LRRC47: variants seen among roughly 807,000 people sequenced by gnomAD.
LRRC47 encodes the protein leucine rich repeat containing 47, also known as leucine-rich repeat-containing protein 47.
In LRRC47, 31 loss-of-function variants were observed where a neutral mutation model predicts 40.9. That is an observed-to-expected ratio of 0.76 (90% CI 0.57 to 1.02). LRRC47 has a LOEUF of 1.02. LRRC47 is among the 50% of genes least tolerant of loss of function. LRRC47 has a pLI of 0.00. For synonymous variants in LRRC47, 427 were observed against 371.9 expected (o/e 1.15, Z -1.70); for missense variants, 726 against 796.1 (o/e 0.91, Z 1.06).
rs1485837184 is a variant in LRRC47, at chr1:3,780,186, T to G, written c.*902A>C. 6.7e-6 allele frequency: 1 copy of G among 150,000 alleles called. No individual in the cohort carries two copies. Among genetic ancestry groups the G allele is most frequent in the Non-Finnish European group, 1.5e-5 (1 of 67,272 alleles). 9.3% of individuals were successfully genotyped at this position (150,000 alleles called of 1,614,324 possible). Reference sequence around the variant, plus strand: ...ACATGAGAAACGTGTGCTTAGCCGCTGCTGTGTGATCACAGAGTCTTTACA... The same window carrying G: ...ACATGAGAAACGTGTGCTTAGCCGCGGCTGTGTGATCACAGAGTCTTTACA... On this transcript the variant is annotated 3_prime_UTR_variant, in exon 7 of 7. Transcript: ENST00000378251.
intron 1 of LRRC47, among the ~76,000 whole-genome samples, chr1:3,795,611 G>C (rs1186773448): frequency 1.3e-5 from 2 of 152,260 alleles, no homozygotes; most frequent in African/African-American, 4.8e-5. Context: ...TAAAAGTCCA[G>C]TTAACAGAAT....
intron 2 of LRRC47, among the ~76,000 whole-genome samples, chr1:3,786,337 A>T (rs1643573025): frequency 6.6e-6 from 1 of 152,034 alleles, no homozygotes; most frequent in South Asian, 2.1e-4. Context: ...ATCTCTTTTA[A>T]AAATACAAAA....
At chr1:3,793,840 C>G (rs1643649443) in intron 1 of LRRC47, among the ~76,000 whole-genome samples, 1 of 152,160 alleles carries the variant, frequency 6.6e-6, no homozygotes, top group South Asian at 2.1e-4. Context: ...CCTAGCCACC[C>G]TCCCCTTTCC....
At chr1:3,792,464 C>CTTTTTT (rs34288803) in intron 1 of LRRC47, among the ~76,000 whole-genome samples, 9 of 142,414 alleles carry the variant, frequency 6.3e-5, no homozygotes, top group Non-Finnish European at 9.1e-5. Context: ...TGGACGCACA[C>CTTTTTT]TTTTTTTTTT....
chr1:3,786,807 C>G (rs1454658798), intron 2 of LRRC47, 42 bp downstream of exon 2: 1 of 1,512,278 alleles, frequency 6.6e-7, no homozygotes, highest in Non-Finnish European at 8.9e-7. Context: ...CGGCGTCTCA[C>G]ACCTCTGTCC....
intron 4 of LRRC47, 132 bp from the exon 5 acceptor site, chr1:3,782,895 TG>T: frequency 1.5e-6 from 1 of 662,380 alleles, no homozygotes; most frequent in Non-Finnish European, 2.8e-6. Flanking sequence ...AGGAGTTGGC[TG>T]GGGTGTGCTG....
intron 1 of LRRC47, among the ~76,000 whole-genome samples, chr1:3,791,595 T>C (rs1643627133): frequency 6.6e-6 from 1 of 152,222 alleles, no homozygotes; most frequent in South Asian, 2.1e-4. Context: ...TAGCTGGGAT[T>C]ACAGGCATGC....
chr1:3,794,619 T>C (rs1279412193), intron 1 of LRRC47, among the ~76,000 whole-genome samples: 2 of 151,340 alleles, frequency 1.3e-5, no homozygotes, highest in Admixed American at 1.3e-4. Flanking sequence ...GGATTACAGG[T>C]GTGAGCCACC....
In LRRC47 at chr1:3,796,074, T is replaced by G. The variant is rs748429057; in HGVS notation, c.403A>C (p.Asn135His). The change falls in exon 1 of 7, where the codon AAC becomes CAC. Residue 135 changes from asparagine (N) to histidine (H), a missense_variant. Coordinates refer to ENST00000378251, the MANE Select transcript of LRRC47 (RefSeq NM_020710.3). ...PPGLPQLQSL[N>H]LSGNRLRELP... ...TCGCGCAGCCGGTTGCCGCTGAGGT[T>G]GAGGCTCTGCAGCTGCGGAAGGCCC... is the stretch of plus-strand genomic sequence containing the variant. 6.6e-7 allele frequency: 1 copy of G among 1,525,280 alleles called. No individual in the cohort carries two copies. Among genetic ancestry groups the G allele is most frequent in the South Asian group, 1.2e-5 (1 of 82,310 alleles). The allele number at this position is 1,525,280 out of a possible 1,614,324, so 94.5% of individuals were successfully genotyped here.
chr1:3,782,574 G>A, intron 5 of LRRC47, 87 bp downstream of exon 5: 1 of 829,530 alleles, frequency 1.2e-6, no homozygotes, highest in Non-Finnish European at 2.1e-6. Context: ...GATTACCGGT[G>A]TTGAGCCACC....
chr1:3,785,261 G>A (rs953369212), intron 2 of LRRC47, 58 bp from the exon 3 acceptor site: 10 of 1,262,134 alleles, frequency 7.9e-6, no homozygotes, highest in Non-Finnish European at 8.6e-6. Context: ...CCAGCGAGGT[G>A]TCCACACTTC....
rs1187911207 is a variant in LRRC47, at chr1:3,778,642, A to G, written c.*2446T>C. 4 of 153,576 alleles carry G rather than the reference A, an allele frequency of 2.6e-5. No individual in the cohort carries two copies. The highest frequency in any genetic ancestry group is 5.9e-5 in the Non-Finnish European group (4 of 68,244). 9.5% of individuals were successfully genotyped at this position (153,576 alleles called of 1,614,324 possible). A position where few individuals can be genotyped will look rare whatever the true frequency, so the allele number is the denominator to read the frequency against. On this transcript the variant is annotated 3_prime_UTR_variant, in exon 7 of 7. Transcript: ENST00000378251. ...CAGAGACACCTGTGCTGCGAGTTAAATACATTTCCAGCATCTCACGCATCA... is the reference window on the plus strand; with the variant it reads ...CAGAGACACCTGTGCTGCGAGTTAAGTACATTTCCAGCATCTCACGCATCA...
In LRRC47 at chr1:3,786,967, G is replaced by C; in HGVS notation, c.959C>G (p.Pro320Arg). Residue 320 changes from proline (P) to arginine (R), a missense_variant, in exon 2 of 7, where the codon CCT becomes CGT. By Grantham distance (103) the Pro-to-Arg change is moderately radical. Coordinates refer to ENST00000378251, the MANE Select transcript of LRRC47 (RefSeq NM_020710.3). Reference sequence around the variant, plus strand: ...CTCGGGGCTCACTCTGACTGTCAGAGGTACGGGGTTTTCAGAGACGTGCAG... The same window carrying C: ...CTCGGGGCTCACTCTGACTGTCAGACGTACGGGGTTTTCAGAGACGTGCAG... ...RVLHVSENPV[P>R]LTVRVSPEVR... The C allele has an allele frequency of 1.2e-6, 2 of 1,611,300 alleles. No homozygotes were observed. The highest frequency in any genetic ancestry group is 1.7e-6 in the Non-Finnish European group (2 of 1,178,920).
At position 3,787,896 on chromosome 1, in the gene LRRC47, C is replaced by T. The variant is rs142854980; in HGVS notation, c.616-586G>A. ...GAAAGGGGAAAGCCGACTTCAACGG[C>T]GATGGGTTCTCAGCCTTCGTCTGAC... On this transcript the variant is annotated intron_variant, in intron 1 of 6. Transcript: ENST00000378251. Among the ~76,000 whole-genome samples, 1,082 of 152,188 alleles carry T rather than the reference C, an allele frequency of 7.1e-3. 15 individuals are homozygous for T. Among genetic ancestry groups the T allele is most frequent in the African/African-American group, 0.025 (1,023 of 41,576 alleles).
rs796643917 is a variant in LRRC47, at chr1:3,782,720, C to G, written c.1354G>C (p.Val452Leu). The change falls in exon 5 of 7, where the codon GTG becomes CTG. Residue 452 changes from valine to leucine, a missense_variant. Val to Leu is a conservative substitution (Grantham distance 32, BLOSUM62 1). Transcript: ENST00000378251. ...LDGNENYPCL[V>L]DADGDVISFP... Reference sequence around the variant, plus strand: ...GAAATCACATCACCGTCTGCATCCACAAGACACGGGTAATTTTCATTTCCA... The same window carrying G: ...GAAATCACATCACCGTCTGCATCCAGAAGACACGGGTAATTTTCATTTCCA... The G allele has an allele frequency of 1.2e-6, 2 of 1,613,148 alleles. No individual in the cohort carries two copies. The highest frequency in any genetic ancestry group is 2.7e-5 in the African/African-American group (2 of 75,052).
At chr1:3,784,272 T>G (rs1643549580) in intron 3 of LRRC47, 161 bp from the exon 4 acceptor site, 1 of 628,096 alleles carries the variant, frequency 1.6e-6, no homozygotes. Flanking sequence ...AGCAAGAAGC[T>G]GCATGTGGGC....
chr1:3,784,206 G>A (rs542101126), intron 3 of LRRC47, 95 bp from the exon 4 acceptor site: 81 of 994,746 alleles, frequency 8.1e-5, no homozygotes, highest in Middle Eastern at 2.1e-4. Flanking sequence ...GAGCCCTCCC[G>A]ACTCCCGCCC....
At chr1:3,784,750 C>A (rs1375429328) in intron 3 of LRRC47, among the ~76,000 whole-genome samples, 1 of 152,236 alleles carries the variant, frequency 6.6e-6, no homozygotes, top group Non-Finnish European at 1.5e-5. Flanking sequence ...AATCCCAGCA[C>A]TTTGGGAGGC....
In LRRC47 at chr1:3,780,472, AAC is replaced by A. The variant is rs1249183685; in HGVS notation, c.*614_*615del. 1.3e-5 allele frequency: 2 copies of A among 152,580 alleles called. No homozygotes were observed. Among genetic ancestry groups the A allele is most frequent in the African/African-American group, 4.8e-5 (2 of 41,402 alleles). The allele number at this position is 152,580 out of a possible 1,614,324, so 9.5% of individuals were successfully genotyped here. On this transcript the variant is annotated 3_prime_UTR_variant, in exon 7 of 7. Transcript: ENST00000378251. ...AACAGCACTGTACTTTTCTCCCATAAACAGTTACCTGCCATGTATCTACATGA... is the reference window on the plus strand; with the variant it reads ...AACAGCACTGTACTTTTCTCCCATAAAGTTACCTGCCATGTATCTACATGA...
Sources: allele counts gnomAD v4.1 joint callset (sites outside exome capture counted in the v4.1 genomes callset), GRCh38; gene constraint gnomAD v4.1.1; transcripts MANE v1.5; gene names NCBI Gene and HGNC (gene_info 2026-07-23, HGNC 2026-07-21).